Variants in LYRM4 observed in about 807,000 individuals in gnomAD.
The protein encoded by LYRM4 is LYR motif-containing protein 4.
A neutral mutation model predicts 11.7 loss-of-function variants in LYRM4; 9 were observed. That is an observed-to-expected ratio of 0.77 (90% CI 0.46 to 1.34). The LOEUF (loss-of-function observed/expected upper bound fraction) is 1.34, where lower values mean the gene tolerates loss of function less well. Ranked by LOEUF, LYRM4 falls within the 40% of genes most tolerant of loss-of-function variation. The probability of loss-of-function intolerance (pLI) is 0.00; values close to 1 mark genes in which losing one functional copy is unlikely to be tolerated. For synonymous variants in LYRM4, 42 were observed against 40.4 expected, an observed-to-expected ratio of 1.04 and a Z score of -0.15; for missense variants, 133 against 112.5, an observed-to-expected ratio of 1.18 and a Z score of -0.82.
chr6:5,153,873 C>G (rs1476413205), intron 2 of LYRM4, among the ~76,000 whole-genome samples: 1 of 152,084 alleles, frequency 6.6e-6, no homozygotes, highest in Non-Finnish European at 1.5e-5. Flanking sequence ...ACAGAGAGCC[C>G]GTCCCTTAGA....
At chr6:5,153,250 C>A (rs547391191) in intron 2 of LYRM4, among the ~76,000 whole-genome samples, 1 of 152,222 alleles carries the variant, frequency 6.6e-6, no homozygotes, top group Admixed American at 6.5e-5. Flanking sequence ...CACCAACACG[C>A]CTGGCTAATT....
chr6:5,161,073 A>T (rs1188830065), intron 2 of LYRM4, among the ~76,000 whole-genome samples: 4 of 152,242 alleles, frequency 2.6e-5, no homozygotes, highest in African/African-American at 9.6e-5. Flanking sequence ...TAATACTACT[A>T]CATATGTGGA....
chr6:5,118,094 A>ATATATATTTTTTTTT lies in LYRM4; in HGVS notation c.208-8604_208-8603insAAAAAAAAATATATA. Reference sequence around the variant, plus strand: ...TCACCAAAACAATATATATATATATATTTTTGTTTTGTTTTGTTTTGTTTT... The same window carrying ATATATATTTTTTTTT: ...TCACCAAAACAATATATATATATATATATATATTTTTTTTTTTTTTGTTTTGTTTTGTTTTGTTTT... On this transcript the variant is annotated intron_variant, in intron 2 of 2. Transcript: ENST00000330636. Among the ~76,000 whole-genome samples the ATATATATTTTTTTTT allele has an allele frequency of 5.9e-3, 506 of 86,022 alleles. 5 individuals carry two copies. Among genetic ancestry groups the ATATATATTTTTTTTT allele is most frequent in the African/African-American group, 0.016 (405 of 25,526 alleles). 56.4% of individuals were successfully genotyped at this position (86,022 alleles called of 152,430 possible).
chr6:5,234,114 A>G (rs959069824), intron 1 of LYRM4, among the ~76,000 whole-genome samples: 1 of 152,246 alleles, frequency 6.6e-6, no homozygotes, highest in Non-Finnish European at 1.5e-5. Context: ...ATTTTCTATC[A>G]TGATGTAAAA....
intron 1 of LYRM4, among the ~76,000 whole-genome samples, chr6:5,257,530 C>T (rs1764734031): frequency 6.6e-6 from 1 of 152,312 alleles, no homozygotes; most frequent in South Asian, 2.1e-4. Flanking sequence ...TAGCAGGGGT[C>T]CCCAACCCAT....
chr6:5,166,287 G>A (rs950497701), intron 2 of LYRM4, among the ~76,000 whole-genome samples: 5 of 152,160 alleles, frequency 3.3e-5, no homozygotes, highest in African/African-American at 1.2e-4. Context: ...GTATTTAAAG[G>A]TTTCATTTAA....
intron 2 of LYRM4, among the ~76,000 whole-genome samples, chr6:5,162,474 A>G (rs986262941): frequency 2.6e-5 from 4 of 152,152 alleles, no homozygotes; most frequent in Non-Finnish European, 5.9e-5. Context: ...TCTACAGCTC[A>G]GAGATGGAGC....
chr6:5,148,518 G>GTGGGGCAGAGGCAGAACTCT (rs1554131022), intron 2 of LYRM4, among the ~76,000 whole-genome samples: 1 of 54,382 alleles, frequency 1.8e-5, no homozygotes, highest in Non-Finnish European at 3.9e-5. Context: ...AGCTGGGCTG[G>GTGGGGCAGAGGCAGAACTCT]GTATACGCCT....
intron 1 of LYRM4, among the ~76,000 whole-genome samples, chr6:5,247,852 A>T (rs1764262220): frequency 1.3e-5 from 2 of 152,370 alleles, no homozygotes; most frequent in Admixed American, 1.3e-4. Context: ...GCAATGATGA[A>T]CATTAATAGT....
chr6:5,251,570 C>T (rs1251407411), intron 1 of LYRM4, among the ~76,000 whole-genome samples: 2 of 152,150 alleles, frequency 1.3e-5, no homozygotes, highest in Non-Finnish European at 2.9e-5. Flanking sequence ...ACAACCGGAT[C>T]TCATGAGAAC....
At chr6:5,149,541 T>G (rs1317188059) in intron 2 of LYRM4, among the ~76,000 whole-genome samples, 4 of 146,992 alleles carry the variant, frequency 2.7e-5, no homozygotes, top group Non-Finnish European at 5.9e-5. Context: ...TTATTGCTTC[T>G]CCAGAGAGAT....
rs1305931183 is a variant in LYRM4 at position 5,143,753 on chromosome 6, G to A, written c.208-34262C>T. Among the ~76,000 whole-genome samples the A allele has an allele frequency of 3.3e-5, 5 of 152,298 alleles. 1 individual carries two copies. The highest frequency in any genetic ancestry group is 2.6e-4 in the Admixed American group (4 of 15,286). On this transcript the variant is annotated intron_variant, in intron 2 of 2. Coordinates refer to ENST00000330636, the MANE Select transcript of LYRM4 (RefSeq NM_020408.6). ...GAAGAACCTGAGTGCCAAAGGCTGC[G>A]GGAACAAAAAATACCAGAGCAAGAA...
intron 2 of LYRM4, among the ~76,000 whole-genome samples, chr6:5,174,878 C>T (rs1759631692): frequency 2.0e-5 from 3 of 152,154 alleles, no homozygotes; most frequent in African/African-American, 7.2e-5. Flanking sequence ...AAAATTGAAG[C>T]TCTCTTTCAG....
the LYRM4 span, among the ~76,000 whole-genome samples, chr6:5,067,793 AG>A: frequency 6.6e-6 from 1 of 152,236 alleles, no homozygotes. Context: ...ACACAAAGTA[AG>A]CAGTATTAAA....
chr6:5,234,306 G>A (rs1393639916), intron 1 of LYRM4, among the ~76,000 whole-genome samples: 5 of 152,178 alleles, frequency 3.3e-5, no homozygotes, highest in Admixed American at 6.5e-5. Flanking sequence ...TGAGCCCCTC[G>A]TGTTCTTATC....
chr6:5,223,873 C>T (rs1762728711), intron 1 of LYRM4, among the ~76,000 whole-genome samples: 1 of 152,232 alleles, frequency 6.6e-6, no homozygotes, highest in Non-Finnish European at 1.5e-5. Flanking sequence ...AAACCTATTA[C>T]ACACTTCCCT....
At chr6:5,062,184 A>G in the LYRM4 span, among the ~76,000 whole-genome samples, 15 of 147,722 alleles carry the variant, frequency 1.0e-4, no homozygotes, top group African/African-American at 3.7e-4. Flanking sequence ...TCCTAGGCTC[A>G]AGTGATCCTA....
the LYRM4 span, among the ~76,000 whole-genome samples, chr6:5,071,562 A>G: frequency 0.02 from 2,972 of 146,216 alleles, 41 homozygotes; most frequent in African/African-American, 0.052. Context: ...GTGTGTGTGT[A>G]TATGTATATG....
the LYRM4 span, among the ~76,000 whole-genome samples, chr6:5,076,490 G>A: frequency 5.3e-5 from 8 of 152,150 alleles, no homozygotes; most frequent in Admixed American, 3.3e-4. Context: ...TATTATAATA[G>A]TGTCTTCCTG....
Sources: allele counts gnomAD v4.1 joint callset (sites outside exome capture counted in the v4.1 genomes callset), GRCh38; gene constraint gnomAD v4.1.1; transcripts MANE v1.5; gene names NCBI Gene and HGNC (gene_info 2026-07-23, HGNC 2026-07-21).